BNC1: variants seen among roughly 807,000 people sequenced by gnomAD.
BNC1 encodes the protein zinc finger protein basonuclin-1.
A neutral mutation model predicts 66.5 loss-of-function variants in BNC1; 8 were observed. The observed-to-expected ratio is 0.12, with a 90% CI of 0.07 to 0.22. BNC1 has a LOEUF of 0.22. Ranked by LOEUF, BNC1 falls within the 10% of genes least tolerant of loss-of-function variation. The pLI is 1.00. For missense variants in BNC1, 1,069 were observed against 1,241.3 expected (o/e 0.86, Z 2.09); for synonymous variants, 454 against 452.6 (o/e 1.00, Z -0.04).
In BNC1 at chr15:83,262,881, G is replaced by A; in HGVS notation, c.2300+70C>T. 3.5e-6 allele frequency: 5 copies of A among 1,421,088 alleles called. No individual in the cohort carries two copies. The South Asian group carries it at 7.1e-5, about 20-fold the overall frequency. The allele number at this position is 1,421,088 out of a possible 1,614,324, so 88.0% of individuals were successfully genotyped here. A position where few individuals can be genotyped will look rare whatever the true frequency, so the allele number is the denominator to read the frequency against. Reference sequence around the variant, plus strand: ...AGTCTGTGTTTTAACAATTCTCCGGGTGATTCTGATGCATGTTAAACTTGA... The same window carrying A: ...AGTCTGTGTTTTAACAATTCTCCGGATGATTCTGATGCATGTTAAACTTGA... On this transcript the variant is annotated intron_variant, in intron 4 of 4. Transcript: ENST00000345382.
At chr15:83,266,746 G>A (rs1046894902) in intron 3 of BNC1, 90 bp downstream of exon 3, 31 of 1,137,372 alleles carry the variant, frequency 2.7e-5, no homozygotes, top group Non-Finnish European at 3.9e-5. Flanking sequence ...ACCAAGGGCT[G>A]TAGCATTGGG....
Position 83,263,492 on chromosome 15 carries a change from C to T in BNC1, c.1759G>A (p.Val587Ile), listed in dbSNP as rs962311346. The T allele has an allele frequency of 2.5e-6, 4 of 1,614,262 alleles. No homozygotes were observed. In the South Asian group the frequency reaches 3.3e-5, roughly 13 times the overall value. The change falls in exon 4 of 5, where the codon GTA becomes ATA. Residue 587 changes from valine to isoleucine, a missense_variant. Val to Ile is a conservative substitution (Grantham distance 29). Transcript: ENST00000345382. Reference sequence around the variant, plus strand: ...GACTGTACATGCTGCTCCTCAGATACTCTGTGTGACTGAGGACTGCAGGCC... The same window carrying T: ...GACTGTACATGCTGCTCCTCAGATATTCTGTGTGACTGAGGACTGCAGGCC... ...QEACSPQSHR[V>I]SEEQHVQSGG... is the part of the protein sequence containing the mutation.
chr15:83,256,521 G>C lies in BNC1; in HGVS notation c.*921C>G, dbSNP rs2038075850. On this transcript the variant is annotated 3_prime_UTR_variant, in exon 5 of 5. Transcript: ENST00000345382. ...CAACCATCAGAACCACATTATCTACGGCAGAATATGTACAAATGTTCCTGC... is the reference window on the plus strand; with the variant it reads ...CAACCATCAGAACCACATTATCTACCGCAGAATATGTACAAATGTTCCTGC... 1.3e-5 allele frequency: 2 copies of C among 152,358 alleles called. No homozygotes were observed. Among genetic ancestry groups the C allele is most frequent in the African/African-American group, 4.8e-5 (2 of 41,408 alleles). 9.4% of individuals were successfully genotyped at this position (152,358 alleles called of 1,614,324 possible). A position where few individuals can be genotyped will look rare whatever the true frequency, so the allele number is the denominator to read the frequency against.
At chr15:83,265,117 A>ATT (rs1391760745) in intron 3 of BNC1, among the ~76,000 whole-genome samples, 1 of 152,226 alleles carries the variant, frequency 6.6e-6, no homozygotes, top group Non-Finnish European at 1.5e-5. Flanking sequence ...TTTCAGACCA[A>ATT]TTGCTTGTCT....
chr15:83,277,015 A>T (rs1189620479), intron 1 of BNC1, among the ~76,000 whole-genome samples: 1 of 152,228 alleles, frequency 6.6e-6, no homozygotes, highest in Non-Finnish European at 1.5e-5. Flanking sequence ...CTTTAAATTT[A>T]AAAACCCAGT....
At chr15:83,283,156 A>C in intron 1 of BNC1, 11 of 1,535,580 alleles carry the variant, frequency 7.2e-6, no homozygotes, top group Non-Finnish European at 7.8e-6. Flanking sequence ...GAGCGGTGGC[A>C]GCCCCGCAGC....
Position 83,264,490 on chromosome 15 carries a change from G to C in BNC1, c.761C>G (p.Pro254Arg), listed in dbSNP as rs767080843. 6.2e-7 allele frequency: 1 copy of C among 1,614,064 alleles called. No homozygotes were observed. The highest frequency in any genetic ancestry group is 1.3e-5 in the African/African-American group (1 of 74,922). Reference protein sequence around the residue: ...LPFQFFNPLPPALIGSLPEQY... With the variant: ...LPFQFFNPLPRALIGSLPEQY... ...TTCGGGCAATGACCCTATCAGTGCA[G>C]GAGGCAGAGGGTTGAAGAACTGGAA... The change falls in exon 4 of 5, where the codon CCT becomes CGT. Residue 254 changes from proline to arginine, a missense_variant. This residue lies in a region of BNC1 where 181 missense variants were observed against 181.5 expected (regional missense o/e 1.00). Coordinates refer to ENST00000345382, the MANE Select transcript of BNC1 (RefSeq NM_001717.4).
Position 83,264,807 on chromosome 15 carries a change from T to C in BNC1, c.444A>G (p.Ser148=), listed in dbSNP as rs761914161. ...TGCTCCAGTGATCCAACACCTTTCC[T>C]GATGCATCCTAAACCCAAACCAGAT... ...YIRGYVLQDA[S]GKVLDHWSIM... is the part of the protein sequence containing the mutation. Residue 148 remains serine, a synonymous_variant, in exon 4 of 5, where the codon TCA becomes TCG. Transcript: ENST00000345382. The C allele has an allele frequency of 3.2e-5, 52 of 1,613,108 alleles. 1 individual carries two copies. In the Middle Eastern group the frequency reaches 8.2e-4, roughly 26 times the overall value.
Position 83,258,073 on chromosome 15 carries a change from T to C in BNC1, c.2354A>G (p.Glu785Gly), listed in dbSNP as rs2038101421. 1 of 1,609,670 alleles carries C rather than the reference T, an allele frequency of 6.2e-7. No individual in the cohort carries two copies. The highest frequency in any genetic ancestry group is 2.2e-5 in the East Asian group (1 of 44,696). ...HQKALSQEAL[E>G]SSEDHFRAAY... The stretch of plus-strand genomic sequence containing the variant: ...TGCACGGAAATGATCTTCACTACTC[T>C]CCAATGCTTCCTGGCTCAATGCTTT... The change falls in exon 5 of 5, where the codon GAG becomes GGG. Residue 785 changes from glutamate to glycine, a missense_variant. Transcript: ENST00000345382.
At chr15:83,273,230 G>A (rs1306285318) in intron 1 of BNC1, among the ~76,000 whole-genome samples, 1 of 152,124 alleles carries the variant, frequency 6.6e-6, no homozygotes, top group Non-Finnish European at 1.5e-5. Context: ...TAATTACAGT[G>A]TCTAAGAAAA....
intron 1 of BNC1, chr15:83,283,315 C>T (rs1328910006): frequency 7.4e-6 from 11 of 1,489,224 alleles, no homozygotes; most frequent in South Asian, 1.3e-5. Flanking sequence ...CCGAGGAACT[C>T]CGGCAAAGCC....
chr15:83,257,721 C>T lies in BNC1; in HGVS notation c.2706G>A (p.Gly902=). ...GNCEGSSLVP[G]EDEYPICVLM... is the part of the protein sequence containing the mutation. ...GGACACAGATGGGGTACTCATCTTC[C>T]CCAGGGACAAGGCTCGACCCTTCAC... Residue 902 remains glycine (G), a synonymous_variant, in exon 5 of 5, where the codon GGG becomes GGA. Transcript: ENST00000345382. 1 of 1,614,100 alleles carries T rather than the reference C, an allele frequency of 6.2e-7. No homozygotes were observed. The highest frequency in any genetic ancestry group is 1.1e-5 in the South Asian group (1 of 91,064).
In BNC1 at chr15:83,267,126, A is replaced by G. The variant is rs559667755; in HGVS notation, c.200-55T>C. 1.9e-4 allele frequency: 270 copies of G among 1,431,514 alleles called. 1 individual carries two copies. Among genetic ancestry groups the G allele is most frequent in the Non-Finnish European group, 7.5e-5 (77 of 1,029,170 alleles). The allele number at this position is 1,431,514 out of a possible 1,614,324, so 88.7% of individuals were successfully genotyped here. On this transcript the variant is annotated intron_variant, in intron 2 of 4. Transcript: ENST00000345382. ...TTGAAAAGTTCTAATTGTAAGAGAAACACTGCAAAAAAAAGTAGGTTAGGA... is the reference window on the plus strand; with the variant it reads ...TTGAAAAGTTCTAATTGTAAGAGAAGCACTGCAAAAAAAAGTAGGTTAGGA...
intron 1 of BNC1, among the ~76,000 whole-genome samples, chr15:83,271,735 G>A (rs1318056472): frequency 1.3e-5 from 2 of 152,148 alleles, no homozygotes; most frequent in Non-Finnish European, 2.9e-5. Flanking sequence ...CTCCTTAGGT[G>A]TGGAGGTTAA....
At chr15:83,272,254 G>A (rs570360190) in intron 1 of BNC1, among the ~76,000 whole-genome samples, 19 of 152,118 alleles carry the variant, frequency 1.2e-4, no homozygotes, top group Admixed American at 2.6e-4. Flanking sequence ...ATTTTGAGAC[G>A]GAGTCTCATT....
chr15:83,271,498 T>C (rs1002725069), intron 1 of BNC1, among the ~76,000 whole-genome samples: 1 of 152,192 alleles, frequency 6.6e-6, no homozygotes, highest in Non-Finnish European at 1.5e-5. Flanking sequence ...TCTTGTAAAC[T>C]GTACAGTATA....
intron 1 of BNC1, among the ~76,000 whole-genome samples, chr15:83,274,262 G>A (rs2038297103): frequency 1.3e-5 from 2 of 152,192 alleles, no homozygotes; most frequent in African/African-American, 2.4e-5. Flanking sequence ...GCAGGCGCCT[G>A]TAGTCCCAGC....
In BNC1 at chr15:83,266,894, T is replaced by C; in HGVS notation, c.377A>G (p.Gln126Arg). 6.2e-7 allele frequency: 1 copy of C among 1,614,214 alleles called. No homozygotes were observed. The highest frequency in any genetic ancestry group is 1.1e-5 in the South Asian group (1 of 91,088). Reference sequence around the variant, plus strand: ...TGTCCAGTCCAAGGCATGGAGGATCTGGAGAACCTCATCTTGCTTCAACAC... The same window carrying C: ...TGTCCAGTCCAAGGCATGGAGGATCCGGAGAACCTCATCTTGCTTCAACAC... ...FSVLKQDEVL[Q>R]ILHALDWTLQ... Residue 126 changes from glutamine (Q) to arginine (R), a missense_variant, in exon 3 of 5, where the codon CAG becomes CGG. By Grantham distance (43) the Gln-to-Arg change is conservative. This residue lies in a region of BNC1 where 39 missense variants were observed against 89.5 expected (regional missense o/e 0.44). Transcript: ENST00000345382.
At chr15:83,259,157 G>C (rs2038115871) in intron 4 of BNC1, among the ~76,000 whole-genome samples, 1 of 152,164 alleles carries the variant, frequency 6.6e-6, no homozygotes, top group African/African-American at 2.4e-5. Flanking sequence ...TATGACACAT[G>C]CCTTTTAGTC....
Sources: allele counts gnomAD v4.1 joint callset (sites outside exome capture counted in the v4.1 genomes callset), GRCh38; gene constraint gnomAD v4.1.1; regional missense constraint gnomAD v4.1.1; transcripts MANE v1.5; gene names NCBI Gene and HGNC (gene_info 2026-07-23, HGNC 2026-07-21).